Variants in TAFA1 observed in about 807,000 individuals in gnomAD.
TAFA1 encodes the protein TAFA chemokine like family member 1, also known as chemokine-like protein TAFA-1.
TAFA1 carries 4 observed loss-of-function variants against 18.5 expected under a neutral mutation model. That is an observed-to-expected ratio of 0.22 (90% CI 0.11 to 0.49). The LOEUF is 0.49. Ranked by LOEUF, TAFA1 falls within the 20% of genes least tolerant of loss-of-function variation. The pLI, the probability that TAFA1 is intolerant of heterozygous loss-of-function variation, is 0.98. For missense variants in TAFA1, 147 were observed against 169.0 expected, an observed-to-expected ratio of 0.87 and a Z score of 0.72; for synonymous variants, 56 against 55.2, an observed-to-expected ratio of 1.01 and a Z score of -0.06.
At chr3:68,006,852 C>A in intron 2 of TAFA1, 108 bp downstream of exon 2, 1 of 785,728 alleles carries the variant, frequency 1.3e-6, no homozygotes, top group Non-Finnish European at 2.2e-6. Context: ...GGCAGCTTGC[C>A]TTTGAATTCC....
intron 2 of TAFA1, among the ~76,000 whole-genome samples, chr3:68,054,416 G>A (rs2064508605): frequency 6.6e-6 from 1 of 152,140 alleles, no homozygotes; most frequent in Admixed American, 6.6e-5. Flanking sequence ...GTTGTGAGTG[G>A]AAGCAGCCTG....
chr3:68,448,481 A>G (rs766877235), intron 3 of TAFA1, among the ~76,000 whole-genome samples: 133 of 152,220 alleles, frequency 8.7e-4, no homozygotes, highest in Non-Finnish European at 1.2e-3. Context: ...GTTAAATAAA[A>G]ATCTTTGTGA....
At chr3:68,206,699 A>G (rs1375958475) in intron 2 of TAFA1, among the ~76,000 whole-genome samples, 4 of 151,954 alleles carry the variant, frequency 2.6e-5, no homozygotes, top group Non-Finnish European at 5.9e-5. Flanking sequence ...GTGTGCAGAC[A>G]AGAGAGCGAC....
At chr3:68,295,019 A>G (rs941793309) in intron 2 of TAFA1, among the ~76,000 whole-genome samples, 1 of 152,158 alleles carries the variant, frequency 6.6e-6, no homozygotes, top group Non-Finnish European at 1.5e-5. Context: ...TCTAGGTGTG[A>G]ACTTGCTTCT....
intron 2 of TAFA1, among the ~76,000 whole-genome samples, chr3:68,378,740 T>C (rs2069870055): frequency 1.3e-5 from 2 of 152,134 alleles, no homozygotes; most frequent in African/African-American, 4.8e-5. Context: ...GATTGGATCG[T>C]GGGAGAGGTT....
At position 68,072,421 on chromosome 3, in the gene TAFA1, G is replaced by T. The variant is rs572786228; in HGVS notation, c.118+65677G>T. Among the ~76,000 whole-genome samples, 4 of 152,290 alleles carry T rather than the reference G, an allele frequency of 2.6e-5. No individual in the cohort carries two copies. In the East Asian group the frequency reaches 7.7e-4, roughly 29 times the overall value. ...GAGAACCATTCCCAGGAGTTACAGA[G>T]GGTGGTGTTTTAGTTGTTTCCAGGG... On this transcript the variant is annotated intron_variant, in intron 2 of 4. Transcript: ENST00000478136.
At chr3:68,200,187 C>A (rs1185080796) in intron 2 of TAFA1, among the ~76,000 whole-genome samples, 1 of 151,442 alleles carries the variant, frequency 6.6e-6, no homozygotes, top group Non-Finnish European at 1.5e-5. Flanking sequence ...GGATAAATCC[C>A]TCTTGATTAT....
At position 68,460,414 on chromosome 3, in the gene TAFA1, A is replaced by AT. The variant is rs141976834; in HGVS notation, c.259+43001dup. Reference sequence around the variant, plus strand: ...GGTTCCTTCAGTATAAAGGATTTTTATTTTTTTAATACTGCCACTCAGGTC... The same window carrying AT: ...GGTTCCTTCAGTATAAAGGATTTTTATTTTTTTTAATACTGCCACTCAGGTC... On this transcript the variant is annotated intron_variant, in intron 3 of 4. Transcript: ENST00000478136. 4.0e-3 allele frequency among the ~76,000 whole-genome samples: 611 copies of AT among 152,192 alleles called. 15 individuals are homozygous for AT. The East Asian group carries it at 0.059, about 15-fold the overall frequency.
At chr3:68,081,745 A>C (rs1243743223) in intron 2 of TAFA1, among the ~76,000 whole-genome samples, 4 of 152,210 alleles carry the variant, frequency 2.6e-5, no homozygotes, top group African/African-American at 9.6e-5. Flanking sequence ...TTAAGTCTGC[A>C]GAGGTTACTG....
intron 2 of TAFA1, among the ~76,000 whole-genome samples, chr3:68,048,493 T>C (rs1265680661): frequency 6.6e-6 from 1 of 152,080 alleles, no homozygotes. Context: ...AAATATATAA[T>C]ATATTATTGT....
intron 2 of TAFA1, among the ~76,000 whole-genome samples, chr3:68,115,914 G>C (rs1406952150): frequency 1.3e-5 from 2 of 152,164 alleles, no homozygotes; most frequent in African/African-American, 4.8e-5. Context: ...AAAATTTGGG[G>C]ATGAACCACC....
chr3:68,019,957 A>C (rs951895000), intron 2 of TAFA1, among the ~76,000 whole-genome samples: 3 of 152,224 alleles, frequency 2.0e-5, no homozygotes, highest in African/African-American at 7.2e-5. Flanking sequence ...AGCACAGTAT[A>C]GTTCTCCAGT....
intron 3 of TAFA1, among the ~76,000 whole-genome samples, chr3:68,446,776 A>G (rs2071479402): frequency 6.6e-6 from 1 of 152,206 alleles, no homozygotes. Flanking sequence ...ACACTCTGTC[A>G]TCTGCATCCA....
At chr3:68,508,226 C>T (rs1242786315) in intron 3 of TAFA1, among the ~76,000 whole-genome samples, 1 of 146,704 alleles carries the variant, frequency 6.8e-6, no homozygotes, top group Non-Finnish European at 1.5e-5. Flanking sequence ...CAGGGCCCCA[C>T]CCATATGATC....
At chr3:68,367,554 C>T (rs2069597934) in intron 2 of TAFA1, among the ~76,000 whole-genome samples, 1 of 152,182 alleles carries the variant, frequency 6.6e-6, no homozygotes, top group African/African-American at 2.4e-5. Context: ...AGCAAAGAGA[C>T]AGGGCTGGAA....
chr3:68,307,662 G>A (rs1342030439), intron 2 of TAFA1, among the ~76,000 whole-genome samples: 1 of 152,036 alleles, frequency 6.6e-6, no homozygotes, highest in Non-Finnish European at 1.5e-5. Flanking sequence ...CTTTCGTTTA[G>A]CTGCACAGGG....
intron 2 of TAFA1, among the ~76,000 whole-genome samples, chr3:68,221,980 G>A (rs1359040088): frequency 6.6e-6 from 1 of 152,192 alleles, no homozygotes; most frequent in Non-Finnish European, 1.5e-5. Context: ...GGGGTCAACT[G>A]TGGAGAGCTT....
chr3:68,071,332 G>A (rs2064752704), intron 2 of TAFA1, among the ~76,000 whole-genome samples: 1 of 152,180 alleles, frequency 6.6e-6, no homozygotes, highest in African/African-American at 2.4e-5. Flanking sequence ...TCACTATCAT[G>A]AGAACAGTCT....
At chr3:68,364,992 C>A (rs542328228) in intron 2 of TAFA1, among the ~76,000 whole-genome samples, 1 of 152,110 alleles carries the variant, frequency 6.6e-6, no homozygotes, top group Non-Finnish European at 1.5e-5. Context: ...AGGTGATAAT[C>A]GGCTTGTCTG....
Sources: gnomAD v4.1 joint callset for allele counts (sites outside exome capture counted in the v4.1 genomes callset) on GRCh38, gnomAD v4.1.1 for gene constraint, MANE v1.5 for transcripts, NCBI Gene and HGNC (gene_info 2026-07-23, HGNC 2026-07-21) for gene names.